The following BAIAP2L1 variants were observed in gnomAD, a reference collection of about 807,000 sequenced individuals.
The protein encoded by BAIAP2L1 is BAR/IMD domain-containing adapter protein 2-like 1.
A neutral mutation model predicts 66.3 loss-of-function variants in BAIAP2L1; 35 were observed. The ratio of observed to expected loss-of-function variants is 0.53; its 90% CI spans 0.40 to 0.70. The LOEUF (loss-of-function observed/expected upper bound fraction) is 0.70. Ranked by LOEUF, BAIAP2L1 falls within the 30% of genes least tolerant of loss-of-function variation. The pLI, the probability that BAIAP2L1 is intolerant of heterozygous loss-of-function variation, is 0.00. For missense variants in BAIAP2L1, 622 were observed against 656.9 expected (o/e 0.95, Z 0.58); for synonymous variants, 269 against 248.7 (o/e 1.08, Z -0.77).
intron 9 of BAIAP2L1, chr7:98,308,429 C>T (rs965104478): frequency 8.0e-6 from 3 of 376,614 alleles, no homozygotes; most frequent in South Asian, 3.9e-5. Flanking sequence ...GAGTCCTCAC[C>T]AGGTGCCAGT....
At chr7:98,385,711 G>C (rs747181617) in intron 1 of BAIAP2L1, 855 of 1,178,296 alleles carry the variant, frequency 7.3e-4, no homozygotes, top group Non-Finnish European at 9.2e-4. Flanking sequence ...CCCACACCCA[G>C]CCAGGAATCA....
rs1003244061 is a variant in BAIAP2L1 at position 98,293,328 on chromosome 7, T to C, written c.*193A>G. On this transcript the variant is annotated 3_prime_UTR_variant, in exon 14 of 14. Coordinates refer to ENST00000005260, the MANE Select transcript of BAIAP2L1 (RefSeq NM_018842.5). ...GCTGAGCTGGTCATTAGACTATTAC[T>C]CATTTATCTTAAAGGCAGAAACTTG... The C allele has an allele frequency of 3.7e-6, 2 of 544,664 alleles. No individual in the cohort carries two copies. The highest frequency in any genetic ancestry group is 6.8e-5 in the Admixed American group (2 of 29,450). The allele number at this position is 544,664 out of a possible 1,614,324, so 33.7% of individuals were successfully genotyped here.
At chr7:98,394,098 C>A (rs1803140561) in intron 1 of BAIAP2L1, among the ~76,000 whole-genome samples, 1 of 152,000 alleles carries the variant, frequency 6.6e-6, no homozygotes, top group South Asian at 2.1e-4. Context: ...AAAAAATTAG[C>A]CGGGCGTGGT....
At chr7:98,377,378 A>G (rs1584496762) in intron 1 of BAIAP2L1, among the ~76,000 whole-genome samples, 2 of 152,008 alleles carry the variant, frequency 1.3e-5, no homozygotes, top group Admixed American at 1.3e-4. Context: ...TTTGTTAGAT[A>G]CTCCCAAATT....
At chr7:98,346,716 A>G (rs146342856) in intron 3 of BAIAP2L1, among the ~76,000 whole-genome samples, 3 of 152,334 alleles carry the variant, frequency 2.0e-5, no homozygotes, top group Non-Finnish European at 4.4e-5. Context: ...CTTGTCTCCC[A>G]GTGATAACCC....
Position 98,292,585 on chromosome 7 carries a change from G to A in BAIAP2L1, c.*936C>T, listed in dbSNP as rs2116762708. 4 of 1,519,400 alleles carry A rather than the reference G, an allele frequency of 2.6e-6. No homozygotes were observed. Among genetic ancestry groups the A allele is most frequent in the East Asian group, 2.5e-5 (1 of 40,736 alleles). The allele number at this position is 1,519,400 out of a possible 1,614,324, so 94.1% of individuals were successfully genotyped here. A position where few individuals can be genotyped will look rare whatever the true frequency, so the allele number is the denominator to read the frequency against. On this transcript the variant is annotated 3_prime_UTR_variant, in exon 14 of 14. Transcript: ENST00000005260. ...GTAGTCCTCACATCCATACCATAGG[G>A]CCAGGTTCCGAGGGCATCATGGCTG...
chr7:98,313,982 CTTTTTT>C (rs35599338), intron 7 of BAIAP2L1, among the ~76,000 whole-genome samples: 21 of 100,940 alleles, frequency 2.1e-4, no homozygotes, highest in Non-Finnish European at 3.7e-4. Flanking sequence ...CTTTTTCTTC[CTTTTTT>C]TTTTTTTTTT....
chr7:98,386,151 G>C, intron 1 of BAIAP2L1: 1 of 1,589,578 alleles, frequency 6.3e-7, no homozygotes, highest in Non-Finnish European at 8.5e-7. Context: ...TCTGATTGTT[G>C]CGTTTTTTAG....
At chr7:98,371,480 C>G (rs1485462501) in intron 1 of BAIAP2L1, among the ~76,000 whole-genome samples, 1 of 152,184 alleles carries the variant, frequency 6.6e-6, no homozygotes, top group Non-Finnish European at 1.5e-5. Flanking sequence ...AGAACAGTTC[C>G]GCTGGAACCA....
intron 2 of BAIAP2L1, among the ~76,000 whole-genome samples, chr7:98,361,069 A>G (rs904925951): frequency 2.0e-5 from 3 of 152,254 alleles, no homozygotes; most frequent in Non-Finnish European, 4.4e-5. Flanking sequence ...GGCAAAAAAG[A>G]TAAGAGGCTG....
At chr7:98,385,040 G>T (rs1802855135) in intron 1 of BAIAP2L1, among the ~76,000 whole-genome samples, 1 of 152,094 alleles carries the variant, frequency 6.6e-6, no homozygotes, top group Admixed American at 6.6e-5. Flanking sequence ...GGGTGCAGTG[G>T]TTCATGCCTA....
chr7:98,291,682 TA>T lies in BAIAP2L1; in HGVS notation c.*1838del. The T allele has an allele frequency of 3.5e-6, 1 of 282,952 alleles. No homozygotes were observed. Among genetic ancestry groups the T allele is most frequent in the Non-Finnish European group, 5.5e-6 (1 of 182,668 alleles). The allele number at this position is 282,952 out of a possible 1,614,324, so 17.5% of individuals were successfully genotyped here. A position where few individuals can be genotyped will look rare whatever the true frequency, so the allele number is the denominator to read the frequency against. ...AAGTTCTGCTTTATTATTAAAGTTG[TA>T]ATCCCTTGATATTTACAGAGCAGGC... is the stretch of plus-strand genomic sequence containing the variant. On this transcript the variant is annotated 3_prime_UTR_variant, in exon 14 of 14. Transcript: ENST00000005260.
intron 2 of BAIAP2L1, among the ~76,000 whole-genome samples, chr7:98,356,968 C>T (rs1386781436): frequency 9.3e-6 from 1 of 107,856 alleles, no homozygotes; most frequent in African/African-American, 3.6e-5. Context: ...TGTACTCCAG[C>T]GTGGGCAAGA....
chr7:98,401,084 G>C lies in BAIAP2L1; in HGVS notation c.-232C>G. ...AGCAGAGGAGAAGCGGCCGGACGCC[G>C]CCAGAGGAAGCTGGGCGGGCCGGGC... On this transcript the variant is annotated 5_prime_UTR_variant, in exon 1 of 14. Transcript: ENST00000005260. 1 of 368,860 alleles carries C rather than the reference G, an allele frequency of 2.7e-6. No individual in the cohort carries two copies. Among genetic ancestry groups the C allele is most frequent in the Non-Finnish European group, 4.7e-6 (1 of 211,176 alleles). The allele number at this position is 368,860 out of a possible 1,614,324, so 22.8% of individuals were successfully genotyped here.
intron 3 of BAIAP2L1, among the ~76,000 whole-genome samples, chr7:98,329,438 C>T (rs1018444772): frequency 5.3e-5 from 8 of 152,192 alleles, no homozygotes; most frequent in Non-Finnish European, 4.4e-5. Context: ...TCAGTCTTTG[C>T]GGGCGGTCCC....
intron 1 of BAIAP2L1, among the ~76,000 whole-genome samples, chr7:98,398,645 A>G (rs541823852): frequency 6.6e-6 from 1 of 152,260 alleles, no homozygotes; most frequent in South Asian, 2.1e-4. Context: ...TATAACCAAA[A>G]TGATGAAATC....
intron 1 of BAIAP2L1, among the ~76,000 whole-genome samples, chr7:98,393,173 A>ATG (rs1803108847): frequency 2.3e-5 from 2 of 86,080 alleles, no homozygotes; most frequent in Non-Finnish European, 3.1e-5. Context: ...ATATGTATAT[A>ATG]TATACATATA....
At chr7:98,350,502 T>C (rs1351308064) in intron 3 of BAIAP2L1, among the ~76,000 whole-genome samples, 1 of 151,680 alleles carries the variant, frequency 6.6e-6, no homozygotes, top group Admixed American at 6.6e-5. Flanking sequence ...CTACTAAAAA[T>C]ACAAAAATTA....
chr7:98,302,837 T>G (rs1800485323), intron 12 of BAIAP2L1, among the ~76,000 whole-genome samples: 1 of 152,218 alleles, frequency 6.6e-6, no homozygotes, highest in South Asian at 2.1e-4. Context: ...CAGGCTGGCA[T>G]GCAGTGGTAT....
Sources: allele counts gnomAD v4.1 joint callset (sites outside exome capture counted in the v4.1 genomes callset), GRCh38; gene constraint gnomAD v4.1.1; transcripts MANE v1.5; gene names NCBI Gene and HGNC (gene_info 2026-07-23, HGNC 2026-07-21).